The following SPRR2G variants were observed in gnomAD, a reference collection of about 807,000 sequenced individuals.
SPRR2G encodes the protein small proline-rich protein 2G.
SPRR2G carries 1 observed loss-of-function variant against 0.7 expected under a neutral mutation model. The observed-to-expected ratio is 1.49, with a 90% confidence interval of 0.53 to 7.06. SPRR2G has a LOEUF of 7.06. Among genes scored for constraint, SPRR2G ranks in the 30% most tolerant of loss-of-function variants. The probability of loss-of-function intolerance (pLI) is 0.14; values close to 1 mark genes in which losing one functional copy is unlikely to be tolerated. For synonymous variants in SPRR2G, 38 were observed against 33.9 expected (o/e 1.12, Z -0.42); for missense variants, 96 against 88.5 (o/e 1.09, Z -0.34).
At chr1:153,164,591 T>C in the SPRR2G span, among the ~76,000 whole-genome samples, 655 of 152,352 alleles carry the variant, frequency 4.3e-3, 2 homozygotes, top group African/African-American at 0.015. Context: ...TCAAGTCCCT[T>C]ATATAAAATC....
the SPRR2G span, among the ~76,000 whole-genome samples, chr1:153,185,704 TC>T: frequency 2.9e-3 from 446 of 152,298 alleles, 2 homozygotes; most frequent in African/African-American, 9.4e-3. Context: ...TTTTCATGTC[TC>T]TATCTCCTTC....
chr1:153,180,976 T>C, the SPRR2G span, among the ~76,000 whole-genome samples: 2 of 152,180 alleles, frequency 1.3e-5, no homozygotes, highest in African/African-American at 2.4e-5. Context: ...TCTTGTTTTT[T>C]TGTTGATCTG....
the SPRR2G span, among the ~76,000 whole-genome samples, chr1:153,198,082 G>A: frequency 1.3e-5 from 2 of 152,132 alleles, no homozygotes; most frequent in Admixed American, 6.5e-5. Context: ...TAACTGCCTG[G>A]GAAGGTGAGA....
chr1:153,201,770 A>G, the SPRR2G span, among the ~76,000 whole-genome samples: 3 of 152,202 alleles, frequency 2.0e-5, no homozygotes, highest in African/African-American at 4.8e-5. Context: ...TCCATCTTCA[A>G]CTCATGATCT....
At chr1:153,192,239 G>C in the SPRR2G span, among the ~76,000 whole-genome samples, 1 of 152,158 alleles carries the variant, frequency 6.6e-6, no homozygotes, top group African/African-American at 2.4e-5. Flanking sequence ...CAGAGCAGAG[G>C]ATGTCTCCTG....
chr1:153,184,564 A>G, the SPRR2G span, among the ~76,000 whole-genome samples: 1 of 152,210 alleles, frequency 6.6e-6, no homozygotes, highest in Non-Finnish European at 1.5e-5. Context: ...TAGTATCCTG[A>G]GACTGCTGTA....
the SPRR2G span, among the ~76,000 whole-genome samples, chr1:153,202,023 C>A: frequency 2.6e-5 from 4 of 152,188 alleles, no homozygotes; most frequent in South Asian, 2.1e-4. Flanking sequence ...GTTAAACAAA[C>A]GAGTGACTAA....
the SPRR2G span, among the ~76,000 whole-genome samples, chr1:153,186,984 C>A: frequency 6.6e-6 from 1 of 152,146 alleles, no homozygotes; most frequent in African/African-American, 2.4e-5. Context: ...ATATGAAATT[C>A]TGGGTTGAAA....
the SPRR2G span, among the ~76,000 whole-genome samples, chr1:153,195,450 G>A: frequency 2.6e-5 from 4 of 152,252 alleles, no homozygotes; most frequent in East Asian, 7.7e-4. Flanking sequence ...GTGTGGTCAG[G>A]ACCAGTCAGT....
At chr1:153,167,457 G>A in the SPRR2G span, among the ~76,000 whole-genome samples, 43 of 150,788 alleles carry the variant, frequency 2.9e-4, no homozygotes, top group African/African-American at 1.0e-3. Flanking sequence ...TGGGCAACAA[G>A]ATTGAAACTC....
At chr1:153,152,043 T>G (rs1005723590), upstream of SPRR2G, among the ~76,000 whole-genome samples, 1 of 152,200 alleles carries the variant, frequency 6.6e-6, no homozygotes, top group African/African-American at 2.4e-5. Flanking sequence ...TTTACACAGC[T>G]GTAAAACAGA....
the SPRR2G span, among the ~76,000 whole-genome samples, chr1:153,167,683 T>C: frequency 1.3e-5 from 2 of 152,290 alleles, no homozygotes; most frequent in East Asian, 3.9e-4. Flanking sequence ...TCAGAAAACA[T>C]TTAAGTTCTC....
the SPRR2G span, among the ~76,000 whole-genome samples, chr1:153,184,820 A>G: frequency 2.0e-5 from 3 of 152,340 alleles, no homozygotes; most frequent in East Asian, 1.9e-4. Flanking sequence ...TTGCACATTC[A>G]GTATGATACT....
the SPRR2G span, among the ~76,000 whole-genome samples, chr1:153,189,880 TC>T: frequency 6.6e-6 from 1 of 152,012 alleles, no homozygotes; most frequent in Non-Finnish European, 1.5e-5. Context: ...ACACTGCAGT[TC>T]CTAGCCATCT....
the SPRR2G span, among the ~76,000 whole-genome samples, chr1:153,189,750 A>T: frequency 6.6e-6 from 1 of 152,194 alleles, no homozygotes; most frequent in African/African-American, 2.4e-5. Context: ...TGTAAGTCAT[A>T]GGGGTAGTAC....
the SPRR2G span, among the ~76,000 whole-genome samples, chr1:153,184,149 G>A: frequency 1.3e-5 from 2 of 152,294 alleles, no homozygotes; most frequent in East Asian, 3.9e-4. Context: ...AAGTCAGGTA[G>A]CATGATGCCT....
At chr1:153,156,351 G>C in the SPRR2G span, among the ~76,000 whole-genome samples, 1 of 152,020 alleles carries the variant, frequency 6.6e-6, no homozygotes, top group African/African-American at 2.4e-5. Context: ...TTTAGATTTG[G>C]GGCTCCTATA....
the SPRR2G span, among the ~76,000 whole-genome samples, chr1:153,174,925 G>A: frequency 6.6e-6 from 1 of 152,046 alleles, no homozygotes; most frequent in Non-Finnish European, 1.5e-5. Flanking sequence ...AGAAACAAAA[G>A]AAAAGAAAGA....
chr1:153,153,633 A>G (rs1050682393), upstream of SPRR2G, among the ~76,000 whole-genome samples: 6 of 152,152 alleles, frequency 3.9e-5, no homozygotes, highest in Admixed American at 1.3e-4. Flanking sequence ...GAAGGAAGGT[A>G]GAGAGGGTAG....
Sources: gnomAD v4.1 joint callset for allele counts (sites outside exome capture counted in the v4.1 genomes callset) on GRCh38, gnomAD v4.1.1 for gene constraint, MANE v1.5 for transcripts, NCBI Gene and HGNC (gene_info 2026-07-23, HGNC 2026-07-21) for gene names.